The following KCNIP4 variants were observed in gnomAD, a reference collection of about 807,000 sequenced individuals.
The protein encoded by KCNIP4 is potassium voltage-gated channel interacting protein 4.
Under a neutral mutation model 34.0 loss-of-function variants are expected in KCNIP4, and 12 were observed. The observed-to-expected ratio is 0.35, with a 90% CI of 0.23 to 0.57. The LOEUF is 0.57. KCNIP4 is among the 20% of genes least tolerant of loss of function. The pLI is 0.83. For missense variants in KCNIP4, 238 were observed against 311.7 expected (o/e 0.76, Z 1.78); for synonymous variants, 124 against 102.2 (o/e 1.21, Z -1.29).
chr4:20,917,005 A>T (rs1383466431), intron 1 of KCNIP4, among the ~76,000 whole-genome samples: 2 of 6,288 alleles, frequency 3.2e-4, no homozygotes, highest in African/African-American at 9.0e-4. Context: ...ATATATATAT[A>T]TATATATATA....
chr4:21,400,523 CTCTTCTCTTCTCTT>C (rs774044561), intron 1 of KCNIP4, among the ~76,000 whole-genome samples: 9 of 48,402 alleles, frequency 1.9e-4, no homozygotes, highest in South Asian at 1.4e-3. Flanking sequence ...CTCTTCTCTT[CTCTTCTCTTCTCTT>C]CTCTTCTCTT....
At chr4:21,751,964 G>A (rs2109146106) in intron 1 of KCNIP4, among the ~76,000 whole-genome samples, 1 of 152,246 alleles carries the variant, frequency 6.6e-6, no homozygotes, top group East Asian at 1.9e-4. Flanking sequence ...TTCTGCAGGT[G>A]GTATAAACAC....
intron 1 of KCNIP4, among the ~76,000 whole-genome samples, chr4:21,268,923 G>A (rs1272093200): frequency 2.0e-5 from 3 of 152,334 alleles, no homozygotes; most frequent in African/African-American, 2.4e-5. Flanking sequence ...TATCAGGCAG[G>A]AGGAGCTACA....
chr4:21,473,021 A>G (rs1338751262), intron 1 of KCNIP4, among the ~76,000 whole-genome samples: 1 of 152,156 alleles, frequency 6.6e-6, no homozygotes, highest in Non-Finnish European at 1.5e-5. Context: ...TTGGTCAACA[A>G]CGTGTAAGCA....
chr4:21,896,693 C>T (rs937032431), intron 1 of KCNIP4, among the ~76,000 whole-genome samples: 4 of 151,974 alleles, frequency 2.6e-5, no homozygotes, highest in African/African-American at 9.7e-5. Context: ...CCGAGGCAGG[C>T]AGATCATTTG....
At chr4:21,851,842 C>CAGGGGAGACTCT (rs1443502249) in intron 1 of KCNIP4, 1 of 152,046 alleles carries the variant, frequency 6.6e-6, no homozygotes, top group African/African-American at 2.4e-5. Context: ...AAACACTGGC[C>CAGGGGAGACTCT]AGGGGAGACT....
At chr4:20,942,128 C>T (rs1231328079) in intron 1 of KCNIP4, among the ~76,000 whole-genome samples, 1 of 152,170 alleles carries the variant, frequency 6.6e-6, no homozygotes, top group African/African-American at 2.4e-5. Flanking sequence ...TGTTATTTTC[C>T]TGACCACCCA....
At chr4:20,942,084 T>G (rs191085792) in intron 1 of KCNIP4, among the ~76,000 whole-genome samples, 69 of 152,328 alleles carry the variant, frequency 4.5e-4, no homozygotes, top group Admixed American at 2.5e-3. Context: ...TGTCCAGTAG[T>G]AACAAACACT....
intron 1 of KCNIP4, among the ~76,000 whole-genome samples, chr4:21,336,360 AG>A (rs993669420): frequency 1.3e-5 from 2 of 152,178 alleles, no homozygotes; most frequent in South Asian, 2.1e-4. Flanking sequence ...ACCTTTACCT[AG>A]AGTTTCATTA....
At chr4:20,827,820 AAAAC>A (rs1406789292) in intron 3 of KCNIP4, among the ~76,000 whole-genome samples, 2 of 152,030 alleles carry the variant, frequency 1.3e-5, no homozygotes, top group Non-Finnish European at 2.9e-5. Context: ...AAAAAAAAAA[AAAAC>A]AAAGAAAATA....
chr4:20,857,534 G>T (rs1456423972), intron 2 of KCNIP4, among the ~76,000 whole-genome samples: 3 of 142,288 alleles, frequency 2.1e-5, no homozygotes, highest in African/African-American at 8.0e-5. Flanking sequence ...ACAACCAGAA[G>T]TCAAATATGT....
intron 4 of KCNIP4, among the ~76,000 whole-genome samples, chr4:20,756,495 A>C (rs1367501171): frequency 6.6e-6 from 1 of 152,166 alleles, no homozygotes; most frequent in Non-Finnish European, 1.5e-5. Flanking sequence ...TAAAAGATAA[A>C]GTCTTCCACT....
At chr4:21,347,203 T>C (rs946531497) in intron 1 of KCNIP4, among the ~76,000 whole-genome samples, 8 of 152,092 alleles carry the variant, frequency 5.3e-5, no homozygotes, top group Non-Finnish European at 1.0e-4. Flanking sequence ...AGCCAAACAA[T>C]GAACAATGAG....
chr4:21,244,046 A>G lies in KCNIP4; in HGVS notation c.62-361337T>C, dbSNP rs778790699. 7.2e-5 allele frequency among the ~76,000 whole-genome samples: 11 copies of G among 152,310 alleles called. No individual in the cohort carries two copies. In the South Asian group the frequency reaches 1.7e-3, roughly 23 times the overall value. On this transcript the variant is annotated intron_variant, in intron 1 of 8. Coordinates refer to ENST00000382152, the MANE Select transcript of KCNIP4 (RefSeq NM_025221.6). Reference sequence around the variant, plus strand: ...CTGAAATGGCTTTCCATAGAGGAGTAAGAAAATTAGCACTGGCCCATTCGG... The same window carrying G: ...CTGAAATGGCTTTCCATAGAGGAGTGAGAAAATTAGCACTGGCCCATTCGG...
chr4:20,940,039 T>C (rs1044665804), intron 1 of KCNIP4, among the ~76,000 whole-genome samples: 1 of 152,204 alleles, frequency 6.6e-6, no homozygotes, highest in Admixed American at 6.5e-5. Context: ...TTCTTACAAC[T>C]GCCTGACTTG....
At chr4:20,850,968 A>G (rs927398209) in intron 2 of KCNIP4, among the ~76,000 whole-genome samples, 5 of 152,342 alleles carry the variant, frequency 3.3e-5, no homozygotes, top group African/African-American at 9.6e-5. Context: ...GGATTATATG[A>G]TTACGTCAAA....
At chr4:20,809,212 G>A (rs1416637113) in intron 3 of KCNIP4, among the ~76,000 whole-genome samples, 1 of 152,132 alleles carries the variant, frequency 6.6e-6, no homozygotes, top group African/African-American at 2.4e-5. Flanking sequence ...ATTGGGAATT[G>A]GAAACCACTC....
intron 1 of KCNIP4, among the ~76,000 whole-genome samples, chr4:21,716,532 G>A (rs201337743): frequency 3.3e-5 from 5 of 152,102 alleles, no homozygotes; most frequent in South Asian, 4.2e-4. Flanking sequence ...CACTGCCACC[G>A]TGCTGGGCCG....
intron 1 of KCNIP4, among the ~76,000 whole-genome samples, chr4:21,548,216 A>T (rs1229618225): frequency 6.6e-6 from 1 of 152,100 alleles, no homozygotes; most frequent in South Asian, 2.1e-4. Context: ...TTATTCAAAA[A>T]TGTTTATATT....
Sources: gnomAD v4.1 joint callset for allele counts (sites outside exome capture counted in the v4.1 genomes callset) on GRCh38, gnomAD v4.1.1 for gene constraint, MANE v1.5 for transcripts, NCBI Gene and HGNC (gene_info 2026-07-23, HGNC 2026-07-21) for gene names.